The following ECT2 variants were observed in gnomAD, a reference collection of about 807,000 sequenced individuals.
The protein encoded by ECT2 is protein ECT2.
ECT2 carries 61 observed loss-of-function variants against 116.9 expected under a neutral mutation model. That is an observed-to-expected ratio of 0.52 (90% confidence interval 0.42 to 0.65). ECT2 has a LOEUF of 0.65. Ranked by LOEUF, ECT2 falls within the 30% of genes least tolerant of loss-of-function variation. The pLI, the probability that ECT2 is intolerant of heterozygous loss-of-function variation, is 0.00. For missense variants in ECT2, 937 were observed against 1,078.7 expected, an observed-to-expected ratio of 0.87 and a Z score of 1.84; for synonymous variants, 358 against 346.4, an observed-to-expected ratio of 1.03 and a Z score of -0.37.
At chr3:172,812,698 A>G (rs1052741296) in intron 22 of ECT2, among the ~76,000 whole-genome samples, 2 of 152,200 alleles carry the variant, frequency 1.3e-5, no homozygotes, top group African/African-American at 2.4e-5. Context: ...GGTAATTACC[A>G]TATCACTGTT....
chr3:172,759,327 AT>A (rs1217484090), intron 6 of ECT2, among the ~76,000 whole-genome samples: 1 of 152,142 alleles, frequency 6.6e-6, no homozygotes, highest in Admixed American at 6.5e-5. Context: ...TTGTTACCAT[AT>A]TGGCTACGTT....
chr3:172,757,900 T>A (rs1443452284), intron 5 of ECT2, among the ~76,000 whole-genome samples: 3 of 152,202 alleles, frequency 2.0e-5, no homozygotes, highest in African/African-American at 7.2e-5. Context: ...TTTATTTATT[T>A]ATTTAATAAA....
At chr3:172,759,760 G>A (rs1212539743) in intron 6 of ECT2, among the ~76,000 whole-genome samples, 1 of 151,880 alleles carries the variant, frequency 6.6e-6, no homozygotes, top group Non-Finnish European at 1.5e-5. Context: ...TTCTTTCTTT[G>A]GTTCACAATA....
rs1729377899 is a variant in ECT2, at chr3:172,814,629, T to C, written c.2401-975T>C. 2.0e-5 allele frequency among the ~76,000 whole-genome samples: 3 copies of C among 152,150 alleles called. No individual in the cohort carries two copies. The South Asian group carries it at 6.2e-4, about 32-fold the overall frequency. On this transcript the variant is annotated intron_variant, in intron 22 of 24. Coordinates refer to ENST00000392692, the MANE Select transcript of ECT2 (RefSeq NM_001258315.2). ...GAAATTAATTGTCTTGTTTAAGTGG[T>C]TCAGTGGTTCTTGGCCTATATGAGG...
chr3:172,820,352 TAACACTA>T lies in ECT2; in HGVS notation c.*119_*125del. The T allele has an allele frequency of 1.6e-6, 1 of 614,752 alleles. No individual in the cohort carries two copies. Among genetic ancestry groups the T allele is most frequent in the Non-Finnish European group, 2.6e-6 (1 of 383,064 alleles). 38.1% of individuals were successfully genotyped at this position (614,752 alleles called of 1,614,324 possible). On this transcript the variant is annotated 3_prime_UTR_variant, in exon 25 of 25. Transcript: ENST00000392692. ...TGGTGAAAGCTGGAAGGAAGATAAA[TAACACTA>T]AACTATGCTATTTGATTTTTCTTCT... is the stretch of plus-strand genomic sequence containing the variant.
chr3:172,796,236 G>A (rs1452515895), intron 18 of ECT2, among the ~76,000 whole-genome samples: 1 of 152,142 alleles, frequency 6.6e-6, no homozygotes, highest in East Asian at 1.9e-4. Context: ...ATGAAGGCTG[G>A]GCTTTATAAA....
intron 5 of ECT2, 146 bp from the exon 6 acceptor site, chr3:172,758,834 G>T: frequency 1.5e-6 from 1 of 657,688 alleles, no homozygotes; most frequent in Non-Finnish European, 2.6e-6. Flanking sequence ...CTGTTTTTTT[G>T]TTGCATATTG....
rs926493214 is a variant in ECT2 at position 172,821,208 on chromosome 3, C to G, written c.*971C>G. Reference sequence around the variant, plus strand: ...CATTTGCTGTTTCAAAGTGTGATATCTTTCACAATAGCCTTTTTATAGTCA... The same window carrying G: ...CATTTGCTGTTTCAAAGTGTGATATGTTTCACAATAGCCTTTTTATAGTCA... On this transcript the variant is annotated 3_prime_UTR_variant, in exon 25 of 25. Transcript: ENST00000392692. 1.8e-4 allele frequency: 28 copies of G among 151,846 alleles called. No homozygotes were observed. The highest frequency in any genetic ancestry group is 1.8e-3 in the Admixed American group (27 of 15,228). The allele number at this position is 151,846 out of a possible 1,614,324, so 9.4% of individuals were successfully genotyped here.
At chr3:172,767,978 C>T (rs369518719) in intron 12 of ECT2, among the ~76,000 whole-genome samples, 10 of 152,246 alleles carry the variant, frequency 6.6e-5, no homozygotes, top group African/African-American at 2.2e-4. Flanking sequence ...GTGATCTGTC[C>T]GCCTTGGCCT....
chr3:172,754,613 A>C lies in ECT2; in HGVS notation c.83A>C (p.Glu28Ala). The change falls in exon 2 of 25, where the codon GAG becomes GCG. Residue 28 changes from glutamate (E) to alanine (A), a missense_variant. Physicochemically the swap from Glu to Ala is moderately radical, Grantham distance 107. Coordinates refer to ENST00000392692, the MANE Select transcript of ECT2 (RefSeq NM_001258315.2). ...DSSIFDSKVTEISKENLLIGS... is the reference protein window; with the variant it reads ...DSSIFDSKVTAISKENLLIGS... Reference sequence around the variant, plus strand: ...TCCATTTTTGATTCTAAAGTTACTGAGATTTCCAAGGAAAACTTACTTATT... The same window carrying C: ...TCCATTTTTGATTCTAAAGTTACTGCGATTTCCAAGGAAAACTTACTTATT... 1 of 1,612,088 alleles carries C rather than the reference A, an allele frequency of 6.2e-7. No homozygotes were observed.
At chr3:172,807,028 A>G (rs1727879397) in intron 21 of ECT2, among the ~76,000 whole-genome samples, 1 of 152,170 alleles carries the variant, frequency 6.6e-6, no homozygotes, top group South Asian at 2.1e-4. Context: ...TAAAGGTTAC[A>G]TAGTATAGTT....
intron 11 of ECT2, among the ~76,000 whole-genome samples, chr3:172,763,864 A>T (rs527289621): frequency 6.6e-6 from 1 of 152,338 alleles, no homozygotes; most frequent in East Asian, 1.9e-4. Flanking sequence ...AAGTTTAAAA[A>T]GTGTGCTTTA....
intron 2 of ECT2, 109 bp downstream of exon 2, chr3:172,754,769 G>A: frequency 1.3e-6 from 1 of 772,982 alleles, no homozygotes; most frequent in Non-Finnish European, 2.0e-6. Context: ...TAGAGCACAG[G>A]TATTAAGTAA....
chr3:172,789,663 A>G (rs1174229985), intron 18 of ECT2, among the ~76,000 whole-genome samples: 1 of 152,234 alleles, frequency 6.6e-6, no homozygotes, highest in Admixed American at 6.5e-5. Context: ...ACACCACGTT[A>G]TCAACTAAGT....
intron 18 of ECT2, among the ~76,000 whole-genome samples, chr3:172,788,610 A>C (rs1384637237): frequency 1.3e-5 from 2 of 152,190 alleles, no homozygotes; most frequent in Non-Finnish European, 2.9e-5. Flanking sequence ...AAACCATGAC[A>C]GTAAAGGAAA....
rs1374973052 is a variant in ECT2 at position 172,762,722 on chromosome 3, A to G, written c.921A>G (p.Arg307=). 2.5e-6 allele frequency: 4 copies of G among 1,612,550 alleles called. No individual in the cohort carries two copies. The highest frequency in any genetic ancestry group is 1.6e-4 in the Middle Eastern group (1 of 6,072). The change falls in exon 10 of 25, where the codon AGA becomes AGG. Residue 307 remains arginine (R), a synonymous_variant. Coordinates refer to ENST00000392692, the MANE Select transcript of ECT2 (RefSeq NM_001258315.2). The stretch of plus-strand genomic sequence containing the variant: ...AATATTTACCGCTTGGAGATGAAAG[A>G]TGCACTCACCTTGTAGTTGAAGAGA... ...GGKYLPLGDE[R]CTHLVVEENI...
intron 2 of ECT2, 55 bp downstream of exon 2, chr3:172,754,715 T>G (rs1716611268): frequency 7.4e-7 from 1 of 1,358,072 alleles, no homozygotes. Context: ...TCTAAACTTA[T>G]TAGTGACTTT....
intron 18 of ECT2, among the ~76,000 whole-genome samples, chr3:172,798,139 A>C (rs895255095): frequency 6.6e-6 from 1 of 152,182 alleles, no homozygotes; most frequent in Non-Finnish European, 1.5e-5. Flanking sequence ...GTTGTGTAAA[A>C]GACATTGACA....
chr3:172,766,254 A>G (rs1266095926), intron 12 of ECT2, among the ~76,000 whole-genome samples: 2 of 152,232 alleles, frequency 1.3e-5, no homozygotes, highest in African/African-American at 4.8e-5. Context: ...GAGTTTTTAG[A>G]GAATAATGGA....
Sources: allele counts gnomAD v4.1 joint callset (sites outside exome capture counted in the v4.1 genomes callset), GRCh38; gene constraint gnomAD v4.1.1; transcripts MANE v1.5; gene names NCBI Gene and HGNC (gene_info 2026-07-23, HGNC 2026-07-21).